The following C6orf89 variants were observed in gnomAD, a reference collection of about 807,000 sequenced individuals.
The protein encoded by C6orf89 is bombesin receptor-activated protein C6orf89.
A neutral mutation model predicts 40.7 loss-of-function variants in C6orf89; 29 were observed. The ratio of observed to expected loss-of-function variants is 0.71; its 90% CI spans 0.53 to 0.97. C6orf89 has a LOEUF of 0.97. Ranked by LOEUF, C6orf89 falls within the 50% of genes least tolerant of loss-of-function variation. C6orf89 has a pLI of 0.00. For missense variants in C6orf89, 392 were observed against 429.1 expected (o/e 0.91, Z 0.76); for synonymous variants, 165 against 152.2 (o/e 1.08, Z -0.62).
At chr6:36,900,558 G>C (rs1761637521) in intron 3 of C6orf89, among the ~76,000 whole-genome samples, 1 of 151,694 alleles carries the variant, frequency 6.6e-6, no homozygotes, top group African/African-American at 2.4e-5. Flanking sequence ...GGAGTGCAGT[G>C]GTGCCATCAT....
At position 36,894,610 on chromosome 6, in the gene C6orf89, G is replaced by C. The variant is rs909949627; in HGVS notation, c.-20+7G>C. ...AGAATAGGAAAATAACTTGGTAAGG[G>C]AGGCAGCATGCAACAACCCTGAAGT... On this transcript the variant is annotated splice_region_variant and intron_variant, in intron 2 of 8. Coordinates refer to ENST00000480824, the MANE Select transcript of C6orf89 (RefSeq NM_001286635.2). 2 of 975,440 alleles carry C rather than the reference G, an allele frequency of 2.1e-6. No homozygotes were observed. Among genetic ancestry groups the C allele is most frequent in the Admixed American group, 1.2e-4 (2 of 16,256 alleles). The allele number at this position is 975,440 out of a possible 1,614,324, so 60.4% of individuals were successfully genotyped here. A position where few individuals can be genotyped will look rare whatever the true frequency, so the allele number is the denominator to read the frequency against.
At chr6:36,886,723 A>G (rs1775003976) in intron 1 of C6orf89, among the ~76,000 whole-genome samples, 1 of 152,192 alleles carries the variant, frequency 6.6e-6, no homozygotes, top group South Asian at 2.1e-4. Context: ...CTACTTCCAG[A>G]TACTTAGTAT....
intron 3 of C6orf89, among the ~76,000 whole-genome samples, chr6:36,901,323 T>TATTATTACTA (rs1382621439): frequency 8.3e-4 from 27 of 32,598 alleles, no homozygotes; most frequent in African/African-American, 4.4e-3. Context: ...TTATTATTAT[T>TATTATTACTA]TTTTTTTTTT....
chr6:36,917,593 C>T (rs1004802581), intron 7 of C6orf89, among the ~76,000 whole-genome samples: 58 of 152,230 alleles, frequency 3.8e-4, no homozygotes, highest in African/African-American at 1.3e-3. Context: ...CTGATACTAT[C>T]GCTTGGCTCC....
chr6:36,889,035 G>T (rs928411422), intron 1 of C6orf89, among the ~76,000 whole-genome samples: 2 of 152,186 alleles, frequency 1.3e-5, no homozygotes, highest in Non-Finnish European at 2.9e-5. Flanking sequence ...TTGAACCCTA[G>T]AGAGAGTTGT....
chr6:36,878,030 G>A (rs1021004419), intron 1 of C6orf89, among the ~76,000 whole-genome samples: 2 of 152,158 alleles, frequency 1.3e-5, no homozygotes, highest in African/African-American at 2.4e-5. Flanking sequence ...TCTCAATATT[G>A]CAGCTCTATA....
At chr6:36,892,139 C>A (rs1761228927) in intron 1 of C6orf89, among the ~76,000 whole-genome samples, 1 of 152,200 alleles carries the variant, frequency 6.6e-6, no homozygotes, top group African/African-American at 2.4e-5. Flanking sequence ...CATCAGAGCT[C>A]TCAGTTGTCT....
intron 1 of C6orf89, among the ~76,000 whole-genome samples, chr6:36,890,641 C>T (rs1761171332): frequency 6.6e-6 from 1 of 152,168 alleles, no homozygotes; most frequent in Non-Finnish European, 1.5e-5. Flanking sequence ...TCAAGTGATT[C>T]TCATGCCTCA....
upstream of C6orf89, among the ~76,000 whole-genome samples, chr6:36,882,662 CT>C (rs1214477137): frequency 6.6e-6 from 1 of 151,696 alleles, no homozygotes; most frequent in Non-Finnish European, 1.5e-5. Context: ...GTTTGGCTAC[CT>C]GATGGGCCAT....
At chr6:36,895,694 C>T (rs1189038407) in intron 2 of C6orf89, among the ~76,000 whole-genome samples, 5 of 152,162 alleles carry the variant, frequency 3.3e-5, no homozygotes, top group Admixed American at 1.3e-4. Flanking sequence ...TCCTTTTTAT[C>T]GTCCAGTGAT....
intron 1 of C6orf89, among the ~76,000 whole-genome samples, chr6:36,890,517 A>G (rs913005501): frequency 6.6e-6 from 1 of 150,460 alleles, no homozygotes; most frequent in Admixed American, 6.6e-5. Context: ...CATTGTATGT[A>G]TATACTACAT....
At chr6:36,903,445 C>A (rs1256941001) in intron 4 of C6orf89, among the ~76,000 whole-genome samples, 2 of 152,026 alleles carry the variant, frequency 1.3e-5, no homozygotes, top group Non-Finnish European at 2.9e-5. Context: ...TGTATTTAAG[C>A]TTTATAATCA....
chr6:36,905,566 AC>A (rs770109309), intron 4 of C6orf89, among the ~76,000 whole-genome samples: 11 of 152,160 alleles, frequency 7.2e-5, no homozygotes, highest in South Asian at 4.2e-4. Context: ...CCTAGTCTGC[AC>A]CCTGACATTC....
intron 1 of C6orf89, among the ~76,000 whole-genome samples, chr6:36,894,023 C>CA (rs779616350): frequency 0.044 from 2,613 of 59,360 alleles, 36 homozygotes; most frequent in African/African-American, 0.077. Flanking sequence ...GACTCTGTCT[C>CA]AAAAAAAAAA....
chr6:36,895,806 C>G (rs561244039), intron 2 of C6orf89, among the ~76,000 whole-genome samples: 1 of 152,294 alleles, frequency 6.6e-6, no homozygotes, highest in South Asian at 2.1e-4. Flanking sequence ...TGTTGCTGTT[C>G]ACATTTGTGC....
intron 4 of C6orf89, among the ~76,000 whole-genome samples, chr6:36,911,775 G>C (rs1034255103): frequency 6.6e-6 from 1 of 152,064 alleles, no homozygotes; most frequent in Admixed American, 6.6e-5. Context: ...AGATCTGCAG[G>C]TTTATTATGA....
At chr6:36,889,346 A>G (rs1479433752) in intron 1 of C6orf89, among the ~76,000 whole-genome samples, 2 of 152,252 alleles carry the variant, frequency 1.3e-5, no homozygotes, top group Non-Finnish European at 2.9e-5. Context: ...AGGTTAATAA[A>G]TGAATGGAAA....
intron 1 of C6orf89, among the ~76,000 whole-genome samples, chr6:36,874,320 A>G (rs1317334410): frequency 6.6e-6 from 1 of 152,202 alleles, no homozygotes; most frequent in Non-Finnish European, 1.5e-5. Flanking sequence ...CTTATCACGT[A>G]ATGTTTACAT....
Position 36,926,492 on chromosome 6 carries a change from C to T in C6orf89, c.*3051C>T, listed in dbSNP as rs2150723265. 1 of 150,220 alleles carries T rather than the reference C, an allele frequency of 6.7e-6. No individual in the cohort carries two copies. Among genetic ancestry groups the T allele is most frequent in the East Asian group, 2.0e-4 (1 of 5,046 alleles). 9.3% of individuals were successfully genotyped at this position (150,220 alleles called of 1,614,324 possible). On this transcript the variant is annotated 3_prime_UTR_variant, in exon 9 of 9. Transcript: ENST00000480824. Reference sequence around the variant, plus strand: ...AGATTGCAGTGAGCCAAGATTGTGCCACTTCATTCCAGCCTGGGCGACAGA... The same window carrying T: ...AGATTGCAGTGAGCCAAGATTGTGCTACTTCATTCCAGCCTGGGCGACAGA...
Sources: allele counts gnomAD v4.1 joint callset (sites outside exome capture counted in the v4.1 genomes callset), GRCh38; gene constraint gnomAD v4.1.1; transcripts MANE v1.5; gene names NCBI Gene and HGNC (gene_info 2026-07-23, HGNC 2026-07-21).